The following KPNA6 variants were observed in gnomAD, a reference collection of about 807,000 sequenced individuals.
The protein encoded by KPNA6 is importin subunit alpha-7.
In KPNA6, 9 loss-of-function variants were observed where a neutral mutation model predicts 72.0. That is an observed-to-expected ratio of 0.13 (90% confidence interval 0.08 to 0.22). The LOEUF is 0.22. KPNA6 is among the 10% of genes least tolerant of loss of function. The pLI is 1.00. For missense variants in KPNA6, 374 were observed against 655.7 expected, an observed-to-expected ratio of 0.57 and a Z score of 4.69; for synonymous variants, 219 against 242.1, an observed-to-expected ratio of 0.90 and a Z score of 0.89.
At chr1:32,146,951 C>G (rs1203320106) in intron 1 of KPNA6, among the ~76,000 whole-genome samples, 1 of 152,020 alleles carries the variant, frequency 6.6e-6, no homozygotes, top group Non-Finnish European at 1.5e-5. Flanking sequence ...CCTGAACCTC[C>G]CAGGTTCTAG....
intron 1 of KPNA6, among the ~76,000 whole-genome samples, chr1:32,139,446 A>G (rs991643086): frequency 4.6e-5 from 7 of 152,118 alleles, no homozygotes; most frequent in Admixed American, 6.6e-5. Context: ...TTGGCCAACA[A>G]TTACTATATA....
intron 1 of KPNA6, among the ~76,000 whole-genome samples, chr1:32,121,223 A>G (rs1027986555): frequency 2.6e-5 from 4 of 152,160 alleles, no homozygotes; most frequent in Non-Finnish European, 5.9e-5. Flanking sequence ...AGATGATGGC[A>G]GCAGCTGAGA....
chr1:32,171,024 T>C lies in KPNA6; in HGVS notation c.*130T>C. On this transcript the variant is annotated 3_prime_UTR_variant, in exon 14 of 14. Coordinates refer to ENST00000373625, the MANE Select transcript of KPNA6 (RefSeq NM_012316.5). ...ACCTCTGCTGCCCTGGAGACTGTGC[T>C]CTTGACCTGCTCCGCCCCCTTCCCT... 6 of 772,842 alleles carry C rather than the reference T, an allele frequency of 7.8e-6. No individual in the cohort carries two copies. In the South Asian group the frequency reaches 8.4e-5, roughly 11 times the overall value. The allele number at this position is 772,842 out of a possible 1,614,324, so 47.9% of individuals were successfully genotyped here. A position where few individuals can be genotyped will look rare whatever the true frequency, so the allele number is the denominator to read the frequency against.
At chr1:32,131,873 T>G (rs1339254819) in intron 1 of KPNA6, among the ~76,000 whole-genome samples, 1 of 151,938 alleles carries the variant, frequency 6.6e-6, no homozygotes, top group Non-Finnish European at 1.5e-5. Context: ...CCTGGTCTCC[T>G]GTGTGACAGG....
intron 1 of KPNA6, among the ~76,000 whole-genome samples, chr1:32,112,681 C>T (rs59056052): frequency 0.019 from 2,892 of 152,060 alleles, 91 homozygotes; most frequent in African/African-American, 0.065. Flanking sequence ...TTAGTAGAGA[C>T]GGAGTTTTAC....
intron 1 of KPNA6, among the ~76,000 whole-genome samples, chr1:32,108,575 C>T (rs115749041): frequency 1.6e-3 from 240 of 152,362 alleles, no homozygotes; most frequent in Non-Finnish European, 2.7e-3. Flanking sequence ...GGAAGTCCTA[C>T]CTACGTAGCG....
chr1:32,114,244 A>G (rs1483398264), intron 1 of KPNA6, among the ~76,000 whole-genome samples: 2 of 152,046 alleles, frequency 1.3e-5, no homozygotes, highest in Non-Finnish European at 2.9e-5. Flanking sequence ...GTTCGAGACC[A>G]GCCTGGCCAA....
chr1:32,128,778 A>C (rs1202556675), intron 1 of KPNA6, among the ~76,000 whole-genome samples: 2 of 152,038 alleles, frequency 1.3e-5, no homozygotes, highest in African/African-American at 4.8e-5. Context: ...TCTCGTTTGC[A>C]ACATTTCCTG....
At position 32,173,693 on chromosome 1, in the gene KPNA6, C is replaced by T. The variant is rs945175030; in HGVS notation, c.*2799C>T. ...TATTTATTTAGCCCAGGCTTGAGAG[C>T]CACTGTTTGTGGACAGTCTTCATCT... On this transcript the variant is annotated 3_prime_UTR_variant, in exon 14 of 14. Coordinates refer to ENST00000373625, the MANE Select transcript of KPNA6 (RefSeq NM_012316.5). 2.0e-5 allele frequency: 3 copies of T among 152,224 alleles called. No homozygotes were observed. Among genetic ancestry groups the T allele is most frequent in the African/African-American group, 7.2e-5 (3 of 41,442 alleles). 9.4% of individuals were successfully genotyped at this position (152,224 alleles called of 1,614,324 possible). A position where few individuals can be genotyped will look rare whatever the true frequency, so the allele number is the denominator to read the frequency against.
chr1:32,156,863 G>A lies in KPNA6; in HGVS notation c.149G>A (p.Arg50Gln). ...TCTCTTTACTTTCAGCTTTTTAAACGGAGAAATGTGGAGCTGATTAATGAA... is the reference window on the plus strand; with the variant it reads ...TCTCTTTACTTTCAGCTTTTTAAACAGAGAAATGTGGAGCTGATTAATGAA... ...KQKREQQLFK[R>Q]RNVELINEEA... The change falls in exon 3 of 14, where the codon CGG becomes CAG. Residue 50 changes from arginine (R) to glutamine (Q), a missense_variant. Around this residue, in one of 3 missense-constraint regions of KPNA6, gnomAD observed 298 missense variants for 495.4 expected, o/e 0.60. Coordinates refer to ENST00000373625, the MANE Select transcript of KPNA6 (RefSeq NM_012316.5). 1 of 1,613,520 alleles carries A rather than the reference G, an allele frequency of 6.2e-7. No individual in the cohort carries two copies. The highest frequency in any genetic ancestry group is 8.5e-7 in the Non-Finnish European group (1 of 1,179,566).
chr1:32,151,970 C>T lies in KPNA6; in HGVS notation c.5-2618C>T, dbSNP rs139790518. 4.9e-3 allele frequency among the ~76,000 whole-genome samples: 742 copies of T among 152,188 alleles called. 2 individuals are homozygous for T. Among genetic ancestry groups the T allele is most frequent in the African/African-American group, 0.016 (672 of 41,526 alleles). On this transcript the variant is annotated intron_variant, in intron 1 of 13. Coordinates refer to ENST00000373625, the MANE Select transcript of KPNA6 (RefSeq NM_012316.5). ...AAATACATAAAGCAAAATTAAACTA[C>T]GGGGTAAAATGGCTACATTCACTAT...
At chr1:32,109,524 G>T (rs1420768387) in intron 1 of KPNA6, among the ~76,000 whole-genome samples, 2 of 151,920 alleles carry the variant, frequency 1.3e-5, no homozygotes, top group East Asian at 3.9e-4. Flanking sequence ...TAGTGGTTGG[G>T]CAGGGAGAAA....
intron 2 of KPNA6, 27 bp downstream of exon 2, chr1:32,154,748 A>G: frequency 1.2e-6 from 2 of 1,612,412 alleles, no homozygotes; most frequent in Non-Finnish European, 1.7e-6. Context: ...ATTCTCAAAC[A>G]TACTATTCTG....
chr1:32,112,483 T>C, intron 1 of KPNA6, among the ~76,000 whole-genome samples: 1 of 152,072 alleles, frequency 6.6e-6, no homozygotes, highest in East Asian at 1.9e-4. Context: ...TAAAAGTACC[T>C]CTTTTATTTA....
rs1315063663 is a variant in KPNA6, at chr1:32,173,032, T to C, written c.*2138T>C. 7.5e-6 allele frequency: 3 copies of C among 398,360 alleles called. No homozygotes were observed. The East Asian group carries it at 1.1e-4, about 14-fold the overall frequency. The allele number at this position is 398,360 out of a possible 1,614,324, so 24.7% of individuals were successfully genotyped here. ...TGTCCTTGAAAAATCCCACCCATGTTGTACCACCTTGGTGAGTCATATGCC... is the reference window on the plus strand; with the variant it reads ...TGTCCTTGAAAAATCCCACCCATGTCGTACCACCTTGGTGAGTCATATGCC... On this transcript the variant is annotated 3_prime_UTR_variant, in exon 14 of 14. Transcript: ENST00000373625.
intron 1 of KPNA6, among the ~76,000 whole-genome samples, chr1:32,120,663 T>G (rs982140738): frequency 1.3e-5 from 2 of 149,988 alleles, no homozygotes; most frequent in African/African-American, 4.9e-5. Context: ...GCCGCCTGGG[T>G]TCAAGAGATT....
chr1:32,134,256 C>CAAA (rs34653548), intron 1 of KPNA6, among the ~76,000 whole-genome samples: 1 of 109,534 alleles, frequency 9.1e-6, no homozygotes, highest in Non-Finnish European at 2.0e-5. Context: ...CACTTCGTCT[C>CAAA]AAAAAAAAAA....
chr1:32,132,912 A>C (rs1224561111), intron 1 of KPNA6, among the ~76,000 whole-genome samples: 1 of 149,914 alleles, frequency 6.7e-6, no homozygotes, highest in East Asian at 2.1e-4. Context: ...CAAAGAAAAA[A>C]TATATACATA....
chr1:32,158,341 A>C lies in KPNA6; in HGVS notation c.406A>C (p.Asn136His), dbSNP rs1321327167. 9 of 1,612,410 alleles carry C rather than the reference A, an allele frequency of 5.6e-6. No homozygotes were observed. The African/African-American group carries it at 1.2e-4, about 22-fold the overall frequency. Residue 136 changes from asparagine to histidine, a missense_variant, in exon 5 of 14, where the codon AAT becomes CAT. Asn to His is a moderately conservative substitution (Grantham distance 68). Coordinates refer to ENST00000373625, the MANE Select transcript of KPNA6 (RefSeq NM_012316.5). ...VDRFVEFLKR[N>H]ENCTLQFEAA... ...TCGGTTCGTGGAGTTTCTGAAGAGG[A>C]ATGAGAATTGTACATTACAGGTGAG...
Sources: gnomAD v4.1 joint callset for allele counts (sites outside exome capture counted in the v4.1 genomes callset) on GRCh38, gnomAD v4.1.1 for gene constraint, gnomAD v4.1.1 regional missense constraint, MANE v1.5 for transcripts, NCBI Gene and HGNC (gene_info 2026-07-23, HGNC 2026-07-21) for gene names.